The following PDCD2 variants were observed in gnomAD, a reference collection of about 807,000 sequenced individuals.
PDCD2 encodes uS5 assembly chaperone PDCD2.
PDCD2 carries 38 observed loss-of-function variants against 38.1 expected under a neutral mutation model. The ratio of observed to expected loss-of-function variants is 1.00; its 90% CI spans 0.77 to 1.31. PDCD2 has a LOEUF of 1.31. PDCD2 is among the 50% of genes most tolerant of loss of function. PDCD2 has a pLI of 0.00. For missense variants in PDCD2, 473 were observed against 435.7 expected (o/e 1.09, Z -0.76); for synonymous variants, 205 against 168.9 (o/e 1.21, Z -1.66).
chr6:170,583,238 G>T, intron 2 of PDCD2, 50 bp from the exon 3 acceptor site: 2 of 1,322,882 alleles, frequency 1.5e-6, no homozygotes, highest in Non-Finnish European at 2.1e-6. Flanking sequence ...TTTGAAGACA[G>T]TCTAATAATT....
intron 2 of PDCD2, 71 bp from the exon 3 acceptor site, chr6:170,583,259 A>G: frequency 1.8e-6 from 2 of 1,126,546 alleles, no homozygotes; most frequent in Admixed American, 2.1e-5. Context: ...TGCTGTCTCT[A>G]AAGTACTATA....
In PDCD2 at chr6:170,576,253, T is replaced by C. The variant is rs553163279; in HGVS notation, c.*1306A>G. The C allele has an allele frequency of 1.6e-4, 25 of 152,358 alleles. No individual in the cohort carries two copies. Among genetic ancestry groups the C allele is most frequent in the African/African-American group, 5.8e-4 (24 of 41,586 alleles). 9.4% of individuals were successfully genotyped at this position (152,358 alleles called of 1,614,324 possible). On this transcript the variant is annotated 3_prime_UTR_variant, in exon 6 of 6. Transcript: ENST00000541970. ...TTATACAATTAATACAAATTGCATA[T>C]GTATACTTATATAATATGGACTACT...
intron 3 of PDCD2, chr6:170,581,928 ACT>A (rs1779615149): frequency 9.4e-6 from 4 of 424,792 alleles, no homozygotes; most frequent in African/African-American, 8.2e-5. Context: ...TTTAAAACTT[ACT>A]TTACTCCATA....
intron 3 of PDCD2, chr6:170,581,602 C>CT (rs35981053): frequency 6.5e-6 from 1 of 154,286 alleles, no homozygotes; most frequent in East Asian, 1.9e-4. Context: ...CCTGGAGTTC[C>CT]TTTTAGAGAG....
Position 170,577,157 on chromosome 6 carries a change from A to G in PDCD2, c.*402T>C, listed in dbSNP as rs1311641766. On this transcript the variant is annotated 3_prime_UTR_variant, in exon 6 of 6. Coordinates refer to ENST00000541970, the MANE Select transcript of PDCD2 (RefSeq NM_002598.4). ...GGCATATAACCCATTTTTATTATAA[A>G]AAGAAATGCACATATAAGTAAAAAG... is the stretch of plus-strand genomic sequence containing the variant. 2 of 155,054 alleles carry G rather than the reference A, an allele frequency of 1.3e-5. No individual in the cohort carries two copies. The highest frequency in any genetic ancestry group is 4.8e-5 in the African/African-American group (2 of 41,532). 9.6% of individuals were successfully genotyped at this position (155,054 alleles called of 1,614,324 possible).
intron 3 of PDCD2, chr6:170,582,535 T>G: frequency 7.4e-7 from 1 of 1,349,760 alleles, no homozygotes; most frequent in Non-Finnish European, 9.6e-7. Context: ...TTTAATGAGC[T>G]CATGCACAAA....
Position 170,583,828 on chromosome 6 carries a change from A to C in PDCD2, c.284-81T>G. On this transcript the variant is annotated intron_variant, in intron 1 of 5. Coordinates refer to ENST00000541970, the MANE Select transcript of PDCD2 (RefSeq NM_002598.4). ...TTTTATCCTCTGCACGTAAAACTGA[A>C]AATAACAACAACAAAAAAGAAATGA... 5 of 1,035,094 alleles carry C rather than the reference A, an allele frequency of 4.8e-6. No individual in the cohort carries two copies. The Admixed American group carries it at 1.1e-4, about 22-fold the overall frequency. The allele number at this position is 1,035,094 out of a possible 1,614,324, so 64.1% of individuals were successfully genotyped here.
chr6:170,578,178 TG>T (rs1185291149), intron 5 of PDCD2, among the ~76,000 whole-genome samples: 2 of 152,144 alleles, frequency 1.3e-5, no homozygotes, highest in African/African-American at 4.8e-5. Flanking sequence ...CCACCTGATA[TG>T]GAATCACTTT....
At chr6:170,582,859 G>A (rs1779655940) in intron 3 of PDCD2, 198 bp downstream of exon 3, 2 of 1,366,102 alleles carry the variant, frequency 1.5e-6, no homozygotes, top group Admixed American at 3.5e-5. Context: ...TGTCTTTACA[G>A]GGAGCAGAAC....
chr6:170,583,733 G>A lies in PDCD2; in HGVS notation c.298C>T (p.Leu100=), dbSNP rs372268684. The A allele has an allele frequency of 1.2e-6, 2 of 1,607,916 alleles. No homozygotes were observed. Among genetic ancestry groups the A allele is most frequent in the African/African-American group, 2.7e-5 (2 of 74,580 alleles). The change falls in exon 2 of 6, where the codon CTA becomes TTA. Residue 100 remains leucine, a synonymous_variant. Coordinates refer to ENST00000541970, the MANE Select transcript of PDCD2 (RefSeq NM_002598.4). ...GAGTAAAAATCGTTTTTCCTGGGTA[G>A]TTGATTCCTAAAAACTAAAAAAGAA... is the stretch of plus-strand genomic sequence containing the variant. ...CAGLRVFRNQ[L]PRKNDFYSYE...
intron 3 of PDCD2, chr6:170,582,624 C>G (rs961759000): frequency 7.9e-7 from 1 of 1,258,824 alleles, no homozygotes; most frequent in African/African-American, 1.5e-5. Context: ...TTGGTCAGCA[C>G]AAGTACTACC....
rs916533148 is a variant in PDCD2 at position 170,575,381 on chromosome 6, A to G, written c.*2178T>C. 7 of 152,154 alleles carry G rather than the reference A, an allele frequency of 4.6e-5. No homozygotes were observed. Among genetic ancestry groups the G allele is most frequent in the African/African-American group, 1.7e-4 (7 of 41,440 alleles). 9.4% of individuals were successfully genotyped at this position (152,154 alleles called of 1,614,324 possible). On this transcript the variant is annotated 3_prime_UTR_variant, in exon 6 of 6. Coordinates refer to ENST00000541970, the MANE Select transcript of PDCD2 (RefSeq NM_002598.4). Reference sequence around the variant, plus strand: ...ATTCAGTATCTGAAATAAAAAGGCAAAGCTGAATATGCTGCTCTCTACAGC... The same window carrying G: ...ATTCAGTATCTGAAATAAAAAGGCAGAGCTGAATATGCTGCTCTCTACAGC...
rs1177945479 is a variant in PDCD2, at chr6:170,582,693, AAG to A, written c.658+362_658+363del. 18 of 1,209,900 alleles carry A rather than the reference AAG, an allele frequency of 1.5e-5. 1 individual carries two copies. The South Asian group carries it at 3.4e-4, about 23-fold the overall frequency. 74.9% of individuals were successfully genotyped at this position (1,209,900 alleles called of 1,614,324 possible). A position where few individuals can be genotyped will look rare whatever the true frequency, so the allele number is the denominator to read the frequency against. ...TGTGTATCTAAAACTGGCCAGATGA[AAG>A]AGAAACTTTTAAGGGGCCCTTCTGC... On this transcript the variant is annotated intron_variant, in intron 3 of 5. Coordinates refer to ENST00000541970, the MANE Select transcript of PDCD2 (RefSeq NM_002598.4).
At chr6:170,582,898 C>A in intron 3 of PDCD2, 159 bp downstream of exon 3, 1 of 1,455,794 alleles carries the variant, frequency 6.9e-7, no homozygotes, top group Admixed American at 2.8e-5. Flanking sequence ...AAAACAAAGT[C>A]CAGGAAGTAT....
intron 3 of PDCD2, chr6:170,582,483 C>T: frequency 1.4e-6 from 2 of 1,383,636 alleles, no homozygotes; most frequent in African/African-American, 1.5e-5. Context: ...TCCTCACCTT[C>T]AAAATGGGGC....
rs766767936 is a variant in PDCD2, at chr6:170,577,593, A to C, written c.1001T>G (p.Phe334Cys). Residue 334 changes from phenylalanine (F) to cysteine (C), a missense_variant, in exon 6 of 6, where the codon TTT (phenylalanine) becomes TGT (cysteine). Coordinates refer to ENST00000541970, the MANE Select transcript of PDCD2 (RefSeq NM_002598.4). ...CSLGTGYTEE[F>C]VWKQDVTDTP The stretch of plus-strand genomic sequence containing the variant: ...ATCTGTTACATCCTGCTTCCACACA[A>C]ATTCTTCTGTATAGCCAGTACCCAA... The C allele has an allele frequency of 3.3e-5, 53 of 1,614,000 alleles. No individual in the cohort carries two copies. The highest frequency in any genetic ancestry group is 4.5e-5 in the Non-Finnish European group (53 of 1,180,014).
intron 1 of PDCD2, 164 bp downstream of exon 1, chr6:170,584,135 T>A: frequency 1.3e-6 from 1 of 754,014 alleles, no homozygotes; most frequent in East Asian, 3.4e-5. Flanking sequence ...AATGAGCACA[T>A]CCTGGAAGGG....
Position 170,576,395 on chromosome 6 carries a change from ATG to A in PDCD2, c.*1162_*1163del, listed in dbSNP as rs1264381996. On this transcript the variant is annotated 3_prime_UTR_variant, in exon 6 of 6. Transcript: ENST00000541970. ...TGGCAATGCATTTCAGTTAACAGGG[ATG>A]TGTTAGGGGACAATGTGAGCCAATG... The A allele has an allele frequency of 3.3e-5, 5 of 152,218 alleles. No homozygotes were observed. The highest frequency in any genetic ancestry group is 1.2e-4 in the African/African-American group (5 of 41,450). 9.4% of individuals were successfully genotyped at this position (152,218 alleles called of 1,614,324 possible).
At chr6:170,583,357 T>C (rs77956298) in intron 2 of PDCD2, 148 bp downstream of exon 2, 9 of 203,356 alleles carry the variant, frequency 4.4e-5, no homozygotes, top group African/African-American at 5.3e-5. Flanking sequence ...CTTCACAGCC[T>C]TTTTTTTTTT....
Sources: gnomAD v4.1 joint callset for allele counts (sites outside exome capture counted in the v4.1 genomes callset) on GRCh38, gnomAD v4.1.1 for gene constraint, MANE v1.5 for transcripts, NCBI Gene and HGNC (gene_info 2026-07-23, HGNC 2026-07-21) for gene names.